The following DCAF5 variants were observed in gnomAD, a reference collection of about 807,000 sequenced individuals.
DCAF5 encodes the protein DDB1- and CUL4-associated factor 5.
In DCAF5, 9 loss-of-function variants were observed where a neutral mutation model predicts 80.7. That is an observed-to-expected ratio of 0.11 (90% confidence interval 0.07 to 0.19). The LOEUF is 0.19. DCAF5 is among the 10% of genes least tolerant of loss of function. DCAF5 has a pLI of 1.00. For synonymous variants in DCAF5, 433 were observed against 461.9 expected (o/e 0.94, Z 0.80); for missense variants, 842 against 1,205.7 (o/e 0.70, Z 4.47).
chr14:69,055,191 G>A lies in DCAF5; in HGVS notation c.1495C>T (p.Pro499Ser). 1 of 1,614,222 alleles carries A rather than the reference G, an allele frequency of 6.2e-7. No individual in the cohort carries two copies. Among genetic ancestry groups the A allele is most frequent in the Non-Finnish European group, 8.5e-7 (1 of 1,180,044 alleles). The change falls in exon 9 of 9, where the codon CCA becomes TCA. Residue 499 changes from proline to serine, a missense_variant. Around this residue, in one of 5 missense-constraint regions of DCAF5, gnomAD observed 607 missense variants for 656.6 expected, o/e 0.92. Transcript: ENST00000341516. The surrounding 1 kb of genome is among the most constrained non-coding windows in gnomAD (Gnocchi z 5.6). The stretch of plus-strand genomic sequence containing the variant: ...GCTGCATCCTCACACGTGGGTGTTG[G>A]TGGAGTTGAGGCTACTGTGTTTGTG... ...TTTNTVASTP[P>S]TPTCEDAASR...
chr14:69,060,029 T>C (rs1429501300), intron 8 of DCAF5, among the ~76,000 whole-genome samples: 2 of 151,772 alleles, frequency 1.3e-5, no homozygotes, highest in Admixed American at 1.3e-4. Context: ...CATCCCAGAG[T>C]GCACACTCAA....
At chr14:69,129,470 C>T (rs1399012185) in intron 1 of DCAF5, among the ~76,000 whole-genome samples, 1 of 152,144 alleles carries the variant, frequency 6.6e-6, no homozygotes, top group African/African-American at 2.4e-5. Flanking sequence ...ACAGCTGTGC[C>T]CAAGCCTCTG....
chr14:69,091,928 T>G (rs2039546489), intron 5 of DCAF5, 41 bp from the exon 6 acceptor site: 2 of 1,524,322 alleles, frequency 1.3e-6, no homozygotes, highest in Non-Finnish European at 1.8e-6. Flanking sequence ...TGAGATAGGC[T>G]AAACAAGAGT....
chr14:69,110,424 C>A (rs2040319698), intron 5 of DCAF5, among the ~76,000 whole-genome samples: 2 of 151,266 alleles, frequency 1.3e-5, no homozygotes, highest in South Asian at 4.2e-4. Context: ...CAACACCACG[C>A]CCCACTAATT....
chr14:69,124,643 T>C (rs2040823116), intron 1 of DCAF5, among the ~76,000 whole-genome samples: 1 of 152,212 alleles, frequency 6.6e-6, no homozygotes, highest in South Asian at 2.1e-4. Flanking sequence ...ATTATGTATT[T>C]CTTACAAATT....
At chr14:69,145,976 G>A (rs573196094) in intron 1 of DCAF5, among the ~76,000 whole-genome samples, 1 of 152,280 alleles carries the variant, frequency 6.6e-6, no homozygotes, top group East Asian at 1.9e-4. Context: ...TCTTAACTTG[G>A]AATTAAGAGA....
chr14:69,142,192 C>T (rs1258480499), intron 1 of DCAF5, among the ~76,000 whole-genome samples: 1 of 152,072 alleles, frequency 6.6e-6, no homozygotes, highest in Non-Finnish European at 1.5e-5. Flanking sequence ...CCCAGCTACT[C>T]GGGAGGCTGA....
chr14:69,059,357 G>T (rs1400984872), intron 8 of DCAF5, among the ~76,000 whole-genome samples: 1 of 152,210 alleles, frequency 6.6e-6, no homozygotes, highest in East Asian at 1.9e-4. Flanking sequence ...CAGAAAGAAG[G>T]GGGAGTAGAG....
At chr14:69,067,488 G>A (rs1209876713) in intron 7 of DCAF5, among the ~76,000 whole-genome samples, 1 of 150,774 alleles carries the variant, frequency 6.6e-6, no homozygotes, top group African/African-American at 2.4e-5. Context: ...AGACTATAGG[G>A]ACATGGCACC....
intron 5 of DCAF5, among the ~76,000 whole-genome samples, chr14:69,097,993 T>C (rs2039792625): frequency 6.6e-6 from 1 of 152,186 alleles, no homozygotes; most frequent in African/African-American, 2.4e-5. Context: ...TGCTGAACCA[T>C]GAATCTAATC....
intron 7 of DCAF5, among the ~76,000 whole-genome samples, chr14:69,064,111 T>C (rs2038340606): frequency 6.6e-6 from 1 of 152,034 alleles, no homozygotes; most frequent in South Asian, 2.1e-4. Context: ...TAAGGTGGTA[T>C]GAAAGGGAAG....
At chr14:69,123,872 G>A (rs1013277812) in intron 1 of DCAF5, among the ~76,000 whole-genome samples, 4 of 151,968 alleles carry the variant, frequency 2.6e-5, no homozygotes, top group Non-Finnish European at 4.4e-5. Context: ...CTAATTTTTC[G>A]TATTTTTAGT....
rs140509635 is a variant in DCAF5, at chr14:69,113,517, A to C, written c.665+2849T>G. Among the ~76,000 whole-genome samples the C allele has an allele frequency of 7.2e-5, 11 of 152,280 alleles. No individual in the cohort carries two copies. The East Asian group carries it at 2.1e-3, about 29-fold the overall frequency. On this transcript the variant is annotated intron_variant, in intron 5 of 8. Coordinates refer to ENST00000341516, the MANE Select transcript of DCAF5 (RefSeq NM_003861.3). ...TATAGGGGATTCACAAATTCCTTAA[A>C]ATCTCTCCCTACACTTGAAGTATCC...
At position 69,051,667 on chromosome 14, in the gene DCAF5, T is replaced by C. The variant is rs2037766013; in HGVS notation, c.*2190A>G. ...GACCAAGTTCTGCATTTGGGAATTG[T>C]AACTACCAAGTAGCTAGTTCCCAAG... On this transcript the variant is annotated 3_prime_UTR_variant, in exon 9 of 9. Coordinates refer to ENST00000341516, the MANE Select transcript of DCAF5 (RefSeq NM_003861.3). 1 of 152,346 alleles carries C rather than the reference T, an allele frequency of 6.6e-6. No individual in the cohort carries two copies. The highest frequency in any genetic ancestry group is 1.5e-5 in the Non-Finnish European group (1 of 68,048). 9.4% of individuals were successfully genotyped at this position (152,346 alleles called of 1,614,324 possible). A position where few individuals can be genotyped will look rare whatever the true frequency, so the allele number is the denominator to read the frequency against.
At position 69,152,880 on chromosome 14, in the gene DCAF5, A is replaced by G. The variant is rs567227115; in HGVS notation, c.99T>C (p.Phe33=). 9 of 1,614,072 alleles carry G rather than the reference A, an allele frequency of 5.6e-6. No homozygotes were observed. The African/African-American group carries it at 1.2e-4, about 22-fold the overall frequency. ...TGCAGCCCCGCAGGCGTCTCCTCTGAAAGTCCTGAGTGAGCAGGGGGTCCC... is the reference window on the plus strand; with the variant it reads ...TGCAGCCCCGCAGGCGTCTCCTCTGGAAGTCCTGAGTGAGCAGGGGGTCCC... The part of the protein sequence containing the change: ...LHGDPLLTQD[F]QRRRLRGCRN... The change falls in exon 1 of 9, where the codon TTT becomes TTC. Residue 33 remains phenylalanine, a synonymous_variant. Coordinates refer to ENST00000341516, the MANE Select transcript of DCAF5 (RefSeq NM_003861.3). The surrounding 1 kb of genome is among the most constrained non-coding windows in gnomAD (Gnocchi z 4.1).
rs61741172 is a variant in DCAF5, at chr14:69,054,628, G to A, written c.2058C>T (p.Thr686=). ...CTGCTCTCCCTTCATCTGCCTCCCC[G>A]GTCACCAAGGAGGTCTCTCCATCTT... ...NNKDGETSLV[T]GEADEGRAGT... is the part of the protein sequence containing the mutation. Residue 686 remains threonine (T), a synonymous_variant, in exon 9 of 9, where the codon ACC becomes ACT. Coordinates refer to ENST00000341516, the MANE Select transcript of DCAF5 (RefSeq NM_003861.3). The A allele has an allele frequency of 0.31, 500,346 of 1,613,886 alleles. 86,176 individuals are homozygous for A. Among genetic ancestry groups the A allele is most frequent in the Middle Eastern group, 0.38 (2,277 of 6,046 alleles).
At chr14:69,116,183 C>T (rs769795003) in intron 5 of DCAF5, among the ~76,000 whole-genome samples, 183 bp downstream of exon 5, 3 of 152,216 alleles carry the variant, frequency 2.0e-5, no homozygotes, top group Non-Finnish European at 4.4e-5. Flanking sequence ...GCAAGGAGTA[C>T]GGATTTGTCG....
chr14:69,110,226 T>G (rs1415637242), intron 5 of DCAF5, among the ~76,000 whole-genome samples: 3 of 141,758 alleles, frequency 2.1e-5, no homozygotes, highest in African/African-American at 7.4e-5. Flanking sequence ...GTATGTATTA[T>G]GCTTTTTTTT....
At chr14:69,101,454 A>G (rs956746193) in intron 5 of DCAF5, among the ~76,000 whole-genome samples, 54 of 152,240 alleles carry the variant, frequency 3.5e-4, no homozygotes, top group African/African-American at 1.3e-3. Flanking sequence ...AAGAGAGGAC[A>G]GAGGAAGAAT....
Sources: gnomAD v4.1 joint callset for allele counts (sites outside exome capture counted in the v4.1 genomes callset) on GRCh38, gnomAD v4.1.1 for gene constraint, gnomAD v4.1.1 regional missense constraint, Gnocchi (gnomAD v3.1) non-coding constraint, MANE v1.5 for transcripts, NCBI Gene and HGNC (gene_info 2026-07-23, HGNC 2026-07-21) for gene names.